Variants in LRRC4C observed in about 807,000 individuals in gnomAD.
LRRC4C encodes leucine rich repeat containing 4C.
A neutral mutation model predicts 33.6 loss-of-function variants in LRRC4C; 5 were observed. The observed-to-expected ratio is 0.15, with a 90% confidence interval of 0.08 to 0.31. The LOEUF (loss-of-function observed/expected upper bound fraction) is 0.31. Ranked by LOEUF, LRRC4C falls within the 10% of genes least tolerant of loss-of-function variation. The pLI, the probability that LRRC4C is intolerant of heterozygous loss-of-function variation, is 1.00. For synonymous variants in LRRC4C, 329 were observed against 302.0 expected, an observed-to-expected ratio of 1.09 and a Z score of -0.93; for missense variants, 560 against 796.7, an observed-to-expected ratio of 0.70 and a Z score of 3.58.
At chr11:41,125,787 A>T (rs1424743882) in intron 1 of LRRC4C, among the ~76,000 whole-genome samples, 1 of 152,214 alleles carries the variant, frequency 6.6e-6, no homozygotes, top group Non-Finnish European at 1.5e-5. Context: ...GAAGTTAACT[A>T]CGAAAACTAC....
intron 2 of LRRC4C, among the ~76,000 whole-genome samples, chr11:40,739,860 C>T (rs1457694993): frequency 9.9e-5 from 15 of 151,856 alleles, no homozygotes; most frequent in Admixed American, 4.6e-4. Context: ...TACCCAGTCT[C>T]AGGTAGCAGT....
chr11:41,088,016 A>C (rs968898827), intron 1 of LRRC4C, among the ~76,000 whole-genome samples: 1 of 152,156 alleles, frequency 6.6e-6, no homozygotes. Flanking sequence ...CAGAATACAC[A>C]TTAGCTGATT....
chr11:40,818,273 T>C (rs80330466), intron 2 of LRRC4C, among the ~76,000 whole-genome samples: 2,159 of 152,196 alleles, frequency 0.014, 58 homozygotes, highest in African/African-American at 0.049. Context: ...TGCACTGTAA[T>C]TGTCTACTTA....
intron 1 of LRRC4C, among the ~76,000 whole-genome samples, chr11:41,204,609 T>C (rs1946525396): frequency 6.6e-6 from 1 of 152,244 alleles, no homozygotes; most frequent in South Asian, 2.1e-4. Flanking sequence ...AGTCAGACTC[T>C]GGCTGTCAGT....
At chr11:40,790,992 T>C (rs1950602323) in intron 2 of LRRC4C, among the ~76,000 whole-genome samples, 1 of 152,210 alleles carries the variant, frequency 6.6e-6, no homozygotes, top group South Asian at 2.1e-4. Flanking sequence ...ATCAGAGGTC[T>C]TCATTTGTTT....
intron 1 of LRRC4C, among the ~76,000 whole-genome samples, chr11:40,951,567 C>T (rs989939648): frequency 6.6e-6 from 1 of 151,872 alleles, no homozygotes; most frequent in Non-Finnish European, 1.5e-5. Flanking sequence ...CCCTGAGTTA[C>T]AGAAAAATTA....
At chr11:40,431,008 T>G in intron 3 of LRRC4C, among the ~76,000 whole-genome samples, 1 of 142,840 alleles carries the variant, frequency 7.0e-6, no homozygotes, top group Admixed American at 7.0e-5. Context: ...GATGAGGAGT[T>G]AGTGGGTGCA....
At chr11:40,995,250 G>A (rs777753219) in intron 1 of LRRC4C, among the ~76,000 whole-genome samples, 7 of 151,918 alleles carry the variant, frequency 4.6e-5, no homozygotes, top group Non-Finnish European at 8.8e-5. Flanking sequence ...GTCTGGTTTT[G>A]GGTCTTTGTG....
intron 1 of LRRC4C, among the ~76,000 whole-genome samples, chr11:41,346,272 T>C (rs1951801590): frequency 6.6e-6 from 1 of 152,200 alleles, no homozygotes; most frequent in African/African-American, 2.4e-5. Flanking sequence ...ACCCTTTGGA[T>C]GAAAAATTAA....
At chr11:41,116,185 C>T (rs1386408) in intron 1 of LRRC4C, among the ~76,000 whole-genome samples, 139,318 of 152,168 alleles carry the variant, frequency 0.92, 64,113 homozygotes, top group East Asian at 1. Context: ...TTTAAGACTA[C>T]AAGCTTTGGT....
At chr11:40,141,954 A>G (rs1052451737) in intron 5 of LRRC4C, among the ~76,000 whole-genome samples, 1 of 152,162 alleles carries the variant, frequency 6.6e-6, no homozygotes, top group African/African-American at 2.4e-5. Context: ...TATTTTAAAG[A>G]TGATCTGTGG....
intron 3 of LRRC4C, among the ~76,000 whole-genome samples, chr11:40,348,226 C>CAG (rs58029736): frequency 0.9 from 136,287 of 151,746 alleles, 61,296 homozygotes; most frequent in East Asian, 0.99. Flanking sequence ...GTTGGAAAAA[C>CAG]TGCTAGACTT....
chr11:40,484,907 A>C (rs1953776213), intron 3 of LRRC4C, among the ~76,000 whole-genome samples: 1 of 152,132 alleles, frequency 6.6e-6, no homozygotes, highest in Admixed American at 6.6e-5. Flanking sequence ...AAAGGCATGT[A>C]AATATTTAAA....
At chr11:40,130,452 A>G (rs950704699) in intron 6 of LRRC4C, among the ~76,000 whole-genome samples, 1 of 151,820 alleles carries the variant, frequency 6.6e-6, no homozygotes, top group Non-Finnish European at 1.5e-5. Context: ...TATTTTTCCC[A>G]TAGGAGATTT....
At chr11:40,893,027 T>A (rs1290785341) in intron 2 of LRRC4C, among the ~76,000 whole-genome samples, 1 of 152,062 alleles carries the variant, frequency 6.6e-6, no homozygotes, top group Non-Finnish European at 1.5e-5. Flanking sequence ...TCTAAGAACA[T>A]AGTTATAACT....
chr11:40,588,735 C>T (rs1958886149), intron 3 of LRRC4C, among the ~76,000 whole-genome samples: 1 of 152,088 alleles, frequency 6.6e-6, no homozygotes, highest in African/African-American at 2.4e-5. Context: ...TCGTTCGGTA[C>T]CCAGTAGTCG....
rs867837454 is a variant in LRRC4C, at chr11:40,990,273, A to G, written c.-495-56550T>C. Among the ~76,000 whole-genome samples, 300 of 127,438 alleles carry G rather than the reference A, an allele frequency of 2.4e-3. 2 individuals carry two copies. Among genetic ancestry groups the G allele is most frequent in the South Asian group, 0.014 (57 of 4,034 alleles). 83.6% of individuals were successfully genotyped at this position (127,438 alleles called of 152,430 possible). On this transcript the variant is annotated intron_variant, in intron 1 of 6. Transcript: ENST00000528697. ...TATATATATATATATATATATATATATGAATATATGAGTATTCTTGACACA... is the reference window on the plus strand; with the variant it reads ...TATATATATATATATATATATATATGTGAATATATGAGTATTCTTGACACA...
chr11:40,907,762 C>T (rs11606097), intron 2 of LRRC4C, among the ~76,000 whole-genome samples: 6,613 of 152,200 alleles, frequency 0.043, 310 homozygotes, highest in East Asian at 0.22. Context: ...TGCAATTTTT[C>T]TCAAAAATTT....
intron 1 of LRRC4C, among the ~76,000 whole-genome samples, chr11:41,130,584 C>T (rs968074757): frequency 5.9e-5 from 9 of 151,922 alleles, no homozygotes; most frequent in African/African-American, 2.2e-4. Context: ...TACTTTTCAT[C>T]TTTGATTGAT....
Sources: allele counts gnomAD v4.1 joint callset (sites outside exome capture counted in the v4.1 genomes callset), GRCh38; gene constraint gnomAD v4.1.1; transcripts MANE v1.5; gene names NCBI Gene and HGNC (gene_info 2026-07-23, HGNC 2026-07-21).